CAMTA1: variants seen among roughly 807,000 people sequenced by gnomAD.
The protein encoded by CAMTA1 is calmodulin-binding transcription activator 1.
A neutral mutation model predicts 170.9 loss-of-function variants in CAMTA1; 27 were observed. That is an observed-to-expected ratio of 0.16 (90% CI 0.12 to 0.22). The LOEUF (loss-of-function observed/expected upper bound fraction) is 0.22. Ranked by LOEUF, CAMTA1 falls within the 10% of genes least tolerant of loss-of-function variation. The pLI is 1.00. For missense variants in CAMTA1, 1,619 were observed against 2,217.2 expected, an observed-to-expected ratio of 0.73 and a Z score of 5.42; for synonymous variants, 833 against 891.5, an observed-to-expected ratio of 0.93 and a Z score of 1.17.
chr1:6,793,270 A>G (rs887097896), intron 1 of CAMTA1, among the ~76,000 whole-genome samples: 7 of 152,192 alleles, frequency 4.6e-5, no homozygotes, highest in African/African-American at 1.7e-4. Flanking sequence ...TTTGGGACAT[A>G]GAGCATTCAT....
chr1:6,811,141 T>C (rs867257806), intron 1 of CAMTA1, among the ~76,000 whole-genome samples: 26 of 152,336 alleles, frequency 1.7e-4, no homozygotes, highest in South Asian at 2.1e-4. Context: ...CTGGCTAAAA[T>C]GGAATTATTT....
chr1:6,798,462 C>G (rs1331191451), intron 1 of CAMTA1, among the ~76,000 whole-genome samples: 1 of 152,072 alleles, frequency 6.6e-6, no homozygotes, highest in African/African-American at 2.4e-5. Context: ...GAGACAGAGT[C>G]TATCTCTGTC....
intron 5 of CAMTA1, among the ~76,000 whole-genome samples, chr1:7,433,403 G>A (rs1309679153): frequency 2.6e-5 from 4 of 152,138 alleles, no homozygotes; most frequent in African/African-American, 4.8e-5. Context: ...TGAAAGCCAC[G>A]GCCTGTGTGA....
intron 7 of CAMTA1, among the ~76,000 whole-genome samples, chr1:7,647,750 T>A (rs1008152284): frequency 6.6e-6 from 1 of 152,128 alleles, no homozygotes; most frequent in Non-Finnish European, 1.5e-5. Context: ...GGAACAGGTA[T>A]CCCTAAGGCT....
intron 5 of CAMTA1, among the ~76,000 whole-genome samples, chr1:7,453,576 C>T (rs1450086623): frequency 2.0e-5 from 3 of 152,202 alleles, no homozygotes; most frequent in Non-Finnish European, 2.9e-5. Context: ...CTTCCCTGGT[C>T]CCCCCAAGTC....
chr1:7,750,376 C>T (rs2096888048), intron 19 of CAMTA1, among the ~76,000 whole-genome samples: 1 of 152,218 alleles, frequency 6.6e-6, no homozygotes, highest in South Asian at 2.1e-4. Flanking sequence ...AAGTTGCCGT[C>T]TTATAAGCAA....
chr1:7,080,090 GA>G (rs1163738531), intron 3 of CAMTA1, among the ~76,000 whole-genome samples: 1 of 152,150 alleles, frequency 6.6e-6, no homozygotes, highest in Admixed American at 6.5e-5. Context: ...CCATGATGCT[GA>G]TTGAAAATAG....
intron 6 of CAMTA1, among the ~76,000 whole-genome samples, chr1:7,513,631 A>T (rs12096065): frequency 0.069 from 10,569 of 152,106 alleles, 1,051 homozygotes; most frequent in African/African-American, 0.22. Flanking sequence ...TTACCAAAAC[A>T]CCGGTTACAG....
chr1:7,578,653 CTTA>C, intron 6 of CAMTA1, among the ~76,000 whole-genome samples: 1 of 152,190 alleles, frequency 6.6e-6, no homozygotes, highest in Non-Finnish European at 1.5e-5. Flanking sequence ...GGCTGGGTAA[CTTA>C]CAATGAGCAG....
chr1:7,098,446 T>C (rs984684724), intron 4 of CAMTA1, among the ~76,000 whole-genome samples: 1 of 152,228 alleles, frequency 6.6e-6, no homozygotes, highest in Non-Finnish European at 1.5e-5. Context: ...GGGTGCCACA[T>C]CTGTCAGAGT....
intron 3 of CAMTA1, among the ~76,000 whole-genome samples, chr1:6,939,563 G>A (rs1207192163): frequency 6.6e-6 from 1 of 152,192 alleles, no homozygotes; most frequent in African/African-American, 2.4e-5. Context: ...CTCCTGCCAT[G>A]GCCTCCCGTC....
At chr1:7,298,010 A>G (rs538078629) in intron 5 of CAMTA1, among the ~76,000 whole-genome samples, 1 of 152,190 alleles carries the variant, frequency 6.6e-6, no homozygotes, top group Non-Finnish European at 1.5e-5. Context: ...CGGCAGTTCT[A>G]TATATGTTTG....
intron 2 of CAMTA1, among the ~76,000 whole-genome samples, chr1:6,823,451 T>C (rs536370388): frequency 1.3e-5 from 2 of 152,284 alleles, no homozygotes; most frequent in African/African-American, 4.8e-5. Context: ...TTGAAAGCAG[T>C]CAGTTTTTAG....
intron 11 of CAMTA1, among the ~76,000 whole-genome samples, chr1:7,704,565 C>G (rs1315993855): frequency 6.7e-6 from 1 of 148,700 alleles, no homozygotes; most frequent in South Asian, 2.1e-4. Context: ...GCGCAGTCCC[C>G]GCGCCGAGCG....
intron 5 of CAMTA1, among the ~76,000 whole-genome samples, chr1:7,400,880 A>G (rs1462118717): frequency 6.6e-6 from 1 of 152,196 alleles, no homozygotes; most frequent in Non-Finnish European, 1.5e-5. Flanking sequence ...GGAGTATTTC[A>G]AGAGTTCTTT....
chr1:7,132,879 G>C (rs9434479), intron 4 of CAMTA1, among the ~76,000 whole-genome samples: 94,748 of 151,994 alleles, frequency 0.62, 30,121 homozygotes, highest in African/African-American at 0.75. Context: ...TATGATTTTT[G>C]TCTTTTAGTT....
At chr1:7,276,512 T>C (rs1670752937) in intron 5 of CAMTA1, among the ~76,000 whole-genome samples, 1 of 151,424 alleles carries the variant, frequency 6.6e-6, no homozygotes, top group Non-Finnish European at 1.5e-5. Flanking sequence ...GATTTCACCA[T>C]GTTAGCCAGG....
chr1:7,624,266 C>G (rs1480188943), intron 6 of CAMTA1, among the ~76,000 whole-genome samples: 1 of 152,234 alleles, frequency 6.6e-6, no homozygotes, highest in Non-Finnish European at 1.5e-5. Context: ...TTGGTGATGA[C>G]AACGCAGAAC....
chr1:7,424,768 G>A (rs1575245129), intron 5 of CAMTA1, among the ~76,000 whole-genome samples: 1 of 152,142 alleles, frequency 6.6e-6, no homozygotes, highest in African/African-American at 2.4e-5. Context: ...GCTCGGATAA[G>A]GTGAAATGGG....
Sources: gnomAD v4.1 joint callset for allele counts (sites outside exome capture counted in the v4.1 genomes callset) on GRCh38, gnomAD v4.1.1 for gene constraint, MANE v1.5 for transcripts, NCBI Gene and HGNC (gene_info 2026-07-23, HGNC 2026-07-21) for gene names.